Variants in NUTF2 observed in about 807,000 individuals in gnomAD.
NUTF2 encodes the protein placental protein 15.
In NUTF2, 3 loss-of-function variants were observed where a neutral mutation model predicts 18.5. That is an observed-to-expected ratio of 0.16 (90% CI 0.07 to 0.42). The LOEUF is 0.42. Among genes scored for constraint, NUTF2 ranks in the 10% least tolerant of loss-of-function variants. The pLI, the probability that NUTF2 is intolerant of heterozygous loss-of-function variation, is 0.99. For synonymous variants in NUTF2, 51 were observed against 57.9 expected, an observed-to-expected ratio of 0.88 and a Z score of 0.54; for missense variants, 44 against 160.7, an observed-to-expected ratio of 0.27 and a Z score of 3.93.
At chr16:67,867,694 A>T (rs907369048) in intron 2 of NUTF2, among the ~76,000 whole-genome samples, 2 of 151,802 alleles carry the variant, frequency 1.3e-5, no homozygotes, top group Non-Finnish European at 2.9e-5. Context: ...ATTTCTGATG[A>T]CTTTTTTTTT....
At position 67,868,616 on chromosome 16, in the gene NUTF2, A is replaced by G. The variant is rs2057990719; in HGVS notation, c.270+17A>G. ...CAGCTTAAGGTAATGGTACTGCCAC[A>G]GTGGTAGGGAGGGGTGGGCAGGCAG... On this transcript the variant is annotated intron_variant, in intron 4 of 4. Coordinates refer to ENST00000219169, the MANE Select transcript of NUTF2 (RefSeq NM_005796.3). 6.2e-7 allele frequency: 1 copy of G among 1,607,718 alleles called. No individual in the cohort carries two copies. Among genetic ancestry groups the G allele is most frequent in the African/African-American group, 1.3e-5 (1 of 74,732 alleles).
chr16:67,859,037 G>A (rs947206966), intron 1 of NUTF2, among the ~76,000 whole-genome samples: 3 of 150,376 alleles, frequency 2.0e-5, no homozygotes, highest in Non-Finnish European at 4.4e-5. Flanking sequence ...GTCTCACTAT[G>A]TTGTCCAGGC....
intron 2 of NUTF2, among the ~76,000 whole-genome samples, chr16:67,867,032 T>C (rs868105367): frequency 3.3e-5 from 5 of 151,892 alleles, no homozygotes; most frequent in Admixed American, 1.3e-4. Context: ...AGTGCATTCA[T>C]GCGATTTTGG....
At chr16:67,870,717 AT>A in intron 4 of NUTF2, 82 bp from the exon 5 acceptor site, 7 of 1,074,490 alleles carry the variant, frequency 6.5e-6, no homozygotes, top group East Asian at 2.4e-5. Flanking sequence ...TAAAGTCAAC[AT>A]TTTTTTGCCC....
chr16:67,863,569 A>G (rs2057948833), intron 1 of NUTF2, among the ~76,000 whole-genome samples: 1 of 152,116 alleles, frequency 6.6e-6, no homozygotes, highest in Non-Finnish European at 1.5e-5. Context: ...TCCTTTAGAG[A>G]AGCTTCACAA....
intron 1 of NUTF2, among the ~76,000 whole-genome samples, chr16:67,864,531 A>G (rs975560115): frequency 6.0e-5 from 9 of 150,870 alleles, no homozygotes; most frequent in Admixed American, 2.6e-4. Flanking sequence ...AAAAAAAAAA[A>G]AAGAAGAGGG....
At chr16:67,851,595 T>TG (rs1567378707) in intron 1 of NUTF2, among the ~76,000 whole-genome samples, 1 of 152,174 alleles carries the variant, frequency 6.6e-6, no homozygotes, top group African/African-American at 2.4e-5. Context: ...GCCATGTTGA[T>TG]GTGCTGCACC....
At chr16:67,847,997 C>G (rs1165453946) in intron 1 of NUTF2, among the ~76,000 whole-genome samples, 5 of 152,176 alleles carry the variant, frequency 3.3e-5, no homozygotes, top group Admixed American at 2.6e-4. Context: ...TCCAGAAAGT[C>G]TGGCTTCCCC....
chr16:67,851,332 T>C (rs2057856139), intron 1 of NUTF2, among the ~76,000 whole-genome samples: 1 of 151,836 alleles, frequency 6.6e-6, no homozygotes, highest in African/African-American at 2.4e-5. Flanking sequence ...AATACAAAAA[T>C]TAGCTGAGCA....
intron 1 of NUTF2, among the ~76,000 whole-genome samples, chr16:67,854,433 T>G (rs1270777056): frequency 1.3e-5 from 2 of 152,228 alleles, no homozygotes; most frequent in African/African-American, 2.4e-5. Flanking sequence ...GCAGACCTGG[T>G]CAGGGAGGCT....
chr16:67,854,240 C>T (rs531933193), intron 1 of NUTF2, among the ~76,000 whole-genome samples: 49 of 152,364 alleles, frequency 3.2e-4, no homozygotes, highest in African/African-American at 1.2e-3. Context: ...TGAGCCACTG[C>T]TTGCCTGGCC....
intron 1 of NUTF2, among the ~76,000 whole-genome samples, chr16:67,861,878 A>G (rs938742623): frequency 6.6e-6 from 1 of 152,110 alleles, no homozygotes; most frequent in Non-Finnish European, 1.5e-5. Flanking sequence ...CTCATGTTGC[A>G]TGGGGATAGG....
chr16:67,868,442 G>A (rs1473203586), intron 3 of NUTF2, 31 bp downstream of exon 3: 2 of 1,613,784 alleles, frequency 1.2e-6, no homozygotes, highest in Non-Finnish European at 1.7e-6. Flanking sequence ...GGGTGCAGGT[G>A]GCTCCTTTCC....
intron 1 of NUTF2, among the ~76,000 whole-genome samples, chr16:67,858,481 TTAGAC>T (rs1427189279): frequency 1.1e-4 from 16 of 152,256 alleles, no homozygotes; most frequent in African/African-American, 3.8e-4. Flanking sequence ...GACAGCAACT[TTAGAC>T]TAAGGGGTCA....
intron 4 of NUTF2, chr16:67,870,387 A>T (rs188861463): frequency 1.1e-5 from 2 of 181,232 alleles, no homozygotes; most frequent in Admixed American, 1.3e-4. Flanking sequence ...ACATCATTGG[A>T]TAGTGAACCT....
chr16:67,853,270 C>T (rs1359474134), intron 1 of NUTF2, among the ~76,000 whole-genome samples: 1 of 152,154 alleles, frequency 6.6e-6, no homozygotes, highest in Non-Finnish European at 1.5e-5. Flanking sequence ...CAGGTCACTG[C>T]AGCCTTGACC....
At chr16:67,847,913 G>C (rs145525811) in intron 1 of NUTF2, 4 of 152,248 alleles carry the variant, frequency 2.6e-5, no homozygotes, top group Admixed American at 6.5e-5. Context: ...AGGGGCTTTG[G>C]GGGGTGGGGC....
intron 1 of NUTF2, among the ~76,000 whole-genome samples, chr16:67,861,202 G>C (rs2057933161): frequency 6.6e-6 from 1 of 152,226 alleles, no homozygotes; most frequent in South Asian, 2.1e-4. Flanking sequence ...TAACCTCGCT[G>C]AATCTCCTTT....
chr16:67,871,099 G>A lies in NUTF2; in HGVS notation c.*186G>A, dbSNP rs1369623414. On this transcript the variant is annotated 3_prime_UTR_variant, in exon 5 of 5. Coordinates refer to ENST00000219169, the MANE Select transcript of NUTF2 (RefSeq NM_005796.3). The stretch of plus-strand genomic sequence containing the variant: ...GGATGCTAGACTAGTTGCATCTGAC[G>A]GGAGAAGTTTGTGTTGTACCAGCGC... 2 of 529,262 alleles carry A rather than the reference G, an allele frequency of 3.8e-6. No homozygotes were observed. The highest frequency in any genetic ancestry group is 3.8e-5 in the Admixed American group (1 of 26,584). The allele number at this position is 529,262 out of a possible 1,614,324, so 32.8% of individuals were successfully genotyped here. A position where few individuals can be genotyped will look rare whatever the true frequency, so the allele number is the denominator to read the frequency against.
Sources: allele counts gnomAD v4.1 joint callset (sites outside exome capture counted in the v4.1 genomes callset), GRCh38; gene constraint gnomAD v4.1.1; transcripts MANE v1.5; gene names NCBI Gene and HGNC (gene_info 2026-07-23, HGNC 2026-07-21).